The following MCOLN2 variants were observed in gnomAD, a reference collection of about 807,000 sequenced individuals.
MCOLN2 encodes mucolipin TRP cation channel 2.
Under a neutral mutation model 67.5 loss-of-function variants are expected in MCOLN2, and 57 were observed. The ratio of observed to expected loss-of-function variants is 0.84; its 90% CI spans 0.68 to 1.05. The LOEUF is 1.05. Among genes scored for constraint, MCOLN2 ranks in the 50% least tolerant of loss-of-function variants. The pLI, the probability that MCOLN2 is intolerant of heterozygous loss-of-function variation, is 0.00. For missense variants in MCOLN2, 620 were observed against 678.8 expected (o/e 0.91, Z 0.96); for synonymous variants, 246 against 233.3 (o/e 1.05, Z -0.50).
At position 84,965,588 on chromosome 1, in the gene MCOLN2, C is replaced by A; in HGVS notation, c.198G>T (p.Leu66=). Residue 66 remains leucine, a synonymous_variant, in exon 2 of 14, where the codon CTG becomes CTT. Transcript: ENST00000370608. ...TGACTATCTTCAAAATCTGCAAACCCAGTTTCCACGGAATCTGGCGTCTGG... is the reference window on the plus strand; with the variant it reads ...TGACTATCTTCAAAATCTGCAAACCAAGTTTCCACGGAATCTGGCGTCTGG... ...YRARRQIPWK[L]GLQILKIVMV... 1 of 1,614,030 alleles carries A rather than the reference C, an allele frequency of 6.2e-7. No homozygotes were observed. Among genetic ancestry groups the A allele is most frequent in the Non-Finnish European group, 8.5e-7 (1 of 1,179,962 alleles).
At chr1:84,939,049 GGAC>G (rs1205040263) in intron 9 of MCOLN2, among the ~76,000 whole-genome samples, 1 of 152,148 alleles carries the variant, frequency 6.6e-6, no homozygotes, top group Non-Finnish European at 1.5e-5. Context: ...GTGGCTGGAG[GGAC>G]CTCTGACCAA....
intron 2 of MCOLN2, among the ~76,000 whole-genome samples, 171 bp from the exon 3 acceptor site, chr1:84,958,873 C>A (rs1251094760): frequency 1.3e-5 from 2 of 152,100 alleles, no homozygotes; most frequent in Non-Finnish European, 2.9e-5. Context: ...AGAAGAATAA[C>A]CTCATCAAGC....
intron 4 of MCOLN2, 54 bp from the exon 5 acceptor site, chr1:84,952,584 A>C (rs527614119): frequency 8.9e-7 from 1 of 1,120,558 alleles, no homozygotes; most frequent in Non-Finnish European, 1.4e-6. Context: ...TTAGGTGCTA[A>C]AACTAATGGG....
rs1023647238 is a variant in MCOLN2, at chr1:84,930,432, T to C, written c.1543-753A>G. Among the ~76,000 whole-genome samples the C allele has an allele frequency of 5.3e-5, 8 of 152,142 alleles. No individual in the cohort carries two copies. The East Asian group carries it at 1.5e-3, about 29-fold the overall frequency. On this transcript the variant is annotated intron_variant, in intron 12 of 13. Transcript: ENST00000370608. Reference sequence around the variant, plus strand: ...TAGTGGAACAGAAGAGAGATTTTTTTCCAAGCAGACACAAAGACTCCCTCC... The same window carrying C: ...TAGTGGAACAGAAGAGAGATTTTTTCCCAAGCAGACACAAAGACTCCCTCC...
Position 84,987,210 on chromosome 1 carries a change from A to ATC in MCOLN2, c.77+9585_77+9586insGA, listed in dbSNP as rs1557665067. 5.8e-3 allele frequency among the ~76,000 whole-genome samples: 321 copies of ATC among 55,076 alleles called. 3 individuals carry two copies. Among genetic ancestry groups the ATC allele is most frequent in the East Asian group, 0.048 (101 of 2,092 alleles). 36.1% of individuals were successfully genotyped at this position (55,076 alleles called of 152,430 possible). On this transcript the variant is annotated intron_variant, in intron 1 of 13. Coordinates refer to ENST00000370608, the MANE Select transcript of MCOLN2 (RefSeq NM_153259.4). Reference sequence around the variant, plus strand: ...TATCTATCTATCTATCTATCTATCTATATATATGGCATATATATACAGCTA... The same window carrying ATC: ...TATCTATCTATCTATCTATCTATCTATCTATATATGGCATATATATACAGCTA...
intron 4 of MCOLN2, among the ~76,000 whole-genome samples, chr1:84,953,573 AGTATT>A (rs1219891344): frequency 2.7e-5 from 4 of 150,916 alleles, no homozygotes; most frequent in Non-Finnish European, 5.9e-5. Flanking sequence ...AAAAAATGTT[AGTATT>A]GGGGAAATCT....
In MCOLN2 at chr1:84,996,998, C is replaced by G; in HGVS notation, c.-126G>C. ...TTGGAGCCCTGCAAAGCGGGGTTCC[C>G]TTCTCTTACCCTTTCTGCCGGCCGC... On this transcript the variant is annotated 5_prime_UTR_variant, in exon 1 of 14. Coordinates refer to ENST00000370608, the MANE Select transcript of MCOLN2 (RefSeq NM_153259.4). 2 of 809,600 alleles carry G rather than the reference C, an allele frequency of 2.5e-6. No homozygotes were observed. The highest frequency in any genetic ancestry group is 4.6e-5 in the Admixed American group (2 of 43,384). 50.2% of individuals were successfully genotyped at this position (809,600 alleles called of 1,614,324 possible).
chr1:84,944,614 C>A (rs915652476), intron 7 of MCOLN2, among the ~76,000 whole-genome samples: 2 of 152,200 alleles, frequency 1.3e-5, no homozygotes, highest in African/African-American at 2.4e-5. Context: ...TCCCCCAATT[C>A]CTCCCCAAGC....
chr1:84,973,160 C>T (rs1649779811), intron 1 of MCOLN2, among the ~76,000 whole-genome samples: 1 of 152,116 alleles, frequency 6.6e-6, no homozygotes, highest in Admixed American at 6.5e-5. Flanking sequence ...CCTATCACAC[C>T]TAAGGTGCCC....
At chr1:84,992,435 A>C (rs1439130) in intron 1 of MCOLN2, among the ~76,000 whole-genome samples, 58,292 of 152,178 alleles carry the variant, frequency 0.38, 13,880 homozygotes, top group Non-Finnish European at 0.5. Flanking sequence ...AACAGAGTAG[A>C]AAGCTCAGCT....
intron 1 of MCOLN2, among the ~76,000 whole-genome samples, chr1:84,987,271 A>ATATATC (rs756568604): frequency 0.15 from 21,544 of 144,082 alleles, 1,821 homozygotes; most frequent in East Asian, 0.25. Flanking sequence ...ATAGATGTAT[A>ATATATC]TATATATCTA....
intron 4 of MCOLN2, 146 bp downstream of exon 4, chr1:84,956,285 C>T (rs1648786995): frequency 1.4e-6 from 1 of 698,730 alleles, no homozygotes; most frequent in Admixed American, 3.0e-5. Flanking sequence ...CAAAGCCCCT[C>T]TGCAGGCCAG....
chr1:84,955,348 A>G (rs184217454), intron 4 of MCOLN2, among the ~76,000 whole-genome samples: 72 of 152,332 alleles, frequency 4.7e-4, no homozygotes, highest in African/African-American at 1.7e-3. Context: ...TAGTTAGGGA[A>G]TGGCTTTCAC....
At chr1:84,970,031 A>G (rs139503661) in intron 1 of MCOLN2, among the ~76,000 whole-genome samples, 4 of 152,196 alleles carry the variant, frequency 2.6e-5, no homozygotes, top group African/African-American at 9.7e-5. Flanking sequence ...ATCCTCAAAC[A>G]TGAACTTTCA....
intron 1 of MCOLN2, among the ~76,000 whole-genome samples, chr1:84,987,536 G>GTATCTATCGATA (rs1650634885): frequency 4.6e-5 from 1 of 21,644 alleles, no homozygotes; most frequent in African/African-American, 1.3e-4. Flanking sequence ...ATACATCTAT[G>GTATCTATCGATA]TATACATAGA....
At chr1:84,996,488 C>G (rs1185662296) in intron 1 of MCOLN2, among the ~76,000 whole-genome samples, 1 of 147,014 alleles carries the variant, frequency 6.8e-6, no homozygotes, top group Non-Finnish European at 1.5e-5. Flanking sequence ...AACTTTGGCT[C>G]AACTGTGCTG....
intron 1 of MCOLN2, among the ~76,000 whole-genome samples, chr1:84,985,994 A>G (rs1471528739): frequency 6.6e-6 from 1 of 152,212 alleles, no homozygotes; most frequent in Non-Finnish European, 1.5e-5. Flanking sequence ...AAGCAAGACT[A>G]AGCAAAAAGA....
chr1:84,926,856 T>A (rs1570934804), intron 13 of MCOLN2, 135 bp from the exon 14 acceptor site: 2 of 495,978 alleles, frequency 4.0e-6, no homozygotes, highest in East Asian at 6.8e-5. Flanking sequence ...GGAAGAAAAA[T>A]TAAGACAGGC....
intron 2 of MCOLN2, among the ~76,000 whole-genome samples, chr1:84,964,530 G>C (rs539166453): frequency 2.7e-5 from 4 of 150,360 alleles, no homozygotes; most frequent in East Asian, 2.0e-4. Context: ...CAGGAGTGGG[G>C]GGGGGTGGGT....
Sources: gnomAD v4.1 joint callset for allele counts (sites outside exome capture counted in the v4.1 genomes callset) on GRCh38, gnomAD v4.1.1 for gene constraint, MANE v1.5 for transcripts, NCBI Gene and HGNC (gene_info 2026-07-23, HGNC 2026-07-21) for gene names.